The following FER variants were observed in gnomAD, a reference collection of about 807,000 sequenced individuals.
FER encodes FER tyrosine kinase.
A neutral mutation model predicts 111.0 loss-of-function variants in FER; 63 were observed. That is an observed-to-expected ratio of 0.57 (90% confidence interval 0.46 to 0.70). FER has a LOEUF of 0.70. Ranked by LOEUF, FER falls within the 30% of genes least tolerant of loss-of-function variation. The pLI is 0.00. For missense variants in FER, 914 were observed against 954.0 expected, an observed-to-expected ratio of 0.96 and a Z score of 0.55; for synonymous variants, 327 against 313.9, an observed-to-expected ratio of 1.04 and a Z score of -0.44.
intron 16 of FER, among the ~76,000 whole-genome samples, chr5:109,060,770 G>GTA (rs1401523794): frequency 1.6e-5 from 2 of 123,300 alleles, no homozygotes; most frequent in Non-Finnish European, 3.8e-5. Context: ...GTGTGTGTGT[G>GTA]TGTATATATA....
intron 1 of FER, among the ~76,000 whole-genome samples, chr5:108,767,592 T>G (rs1051377894): frequency 6.6e-6 from 1 of 152,156 alleles, no homozygotes; most frequent in African/African-American, 2.4e-5. Flanking sequence ...TCAAGCAGTC[T>G]TCCTACCTCA....
chr5:108,916,488 G>A (rs1752280748), intron 10 of FER, among the ~76,000 whole-genome samples: 1 of 152,102 alleles, frequency 6.6e-6, no homozygotes, highest in African/African-American at 2.4e-5. Flanking sequence ...GTAATTAATT[G>A]TAGCATTGGA....
chr5:109,034,110 T>C (rs1243520294), intron 13 of FER, among the ~76,000 whole-genome samples: 2 of 152,200 alleles, frequency 1.3e-5, no homozygotes, highest in Non-Finnish European at 2.9e-5. Flanking sequence ...ACTGAGACTT[T>C]GTACCATTTG....
chr5:109,139,350 C>CTTTTTTTTTTTTTTTTTTTTTTTTT (rs59092426), intron 17 of FER, among the ~76,000 whole-genome samples: 1 of 91,114 alleles, frequency 1.1e-5, no homozygotes, highest in African/African-American at 4.4e-5. Context: ...TTCTTTCTTT[C>CTTTTTTTTTTTTTTTTTTTTTTTTT]TTTTTTTTTT....
chr5:108,785,423 G>A, intron 2 of FER: 1 of 585,018 alleles, frequency 1.7e-6, no homozygotes, highest in Non-Finnish European at 3.4e-6. Context: ...GAAGCAAGAA[G>A]TTATTAGTAC....
intron 3 of FER, among the ~76,000 whole-genome samples, chr5:108,808,316 GTCT>G (rs1488745363): frequency 6.6e-6 from 1 of 151,762 alleles, no homozygotes; most frequent in Non-Finnish European, 1.5e-5. Flanking sequence ...TATAAGTTAA[GTCT>G]TCTTGTTGAA....
chr5:108,774,099 G>A (rs1753224383), intron 2 of FER, among the ~76,000 whole-genome samples: 1 of 151,294 alleles, frequency 6.6e-6, no homozygotes, highest in Non-Finnish European at 1.5e-5. Context: ...TCCCCTCCCT[G>A]TGTCCATGTG....
chr5:109,126,846 A>C (rs2126542615), intron 17 of FER, among the ~76,000 whole-genome samples: 1 of 152,356 alleles, frequency 6.6e-6, no homozygotes, highest in Non-Finnish European at 1.5e-5. Flanking sequence ...GTAAAGAATA[A>C]ACTATATGGA....
chr5:108,906,988 G>A (rs138205859), intron 10 of FER, among the ~76,000 whole-genome samples: 224 of 152,094 alleles, frequency 1.5e-3, no homozygotes, highest in African/African-American at 5.1e-3. Context: ...TGTGGGAATT[G>A]GAGTCACATT....
intron 17 of FER, among the ~76,000 whole-genome samples, chr5:109,131,134 A>G (rs887703570): frequency 3.9e-5 from 6 of 152,186 alleles, no homozygotes; most frequent in Admixed American, 3.3e-4. Flanking sequence ...TTTTCTGGTA[A>G]ATCATCTCTT....
At chr5:108,880,514 T>A (rs984080067) in intron 8 of FER, among the ~76,000 whole-genome samples, 2 of 152,096 alleles carry the variant, frequency 1.3e-5, no homozygotes, top group Non-Finnish European at 2.9e-5. Context: ...CTTATTTATT[T>A]ATTTATAATT....
At chr5:109,008,972 AAACAACAACAACAAC>A (rs375685208) in intron 13 of FER, among the ~76,000 whole-genome samples, 54 of 151,664 alleles carry the variant, frequency 3.6e-4, no homozygotes, top group Non-Finnish European at 7.5e-4. Context: ...CTCCATCTCA[AAACAACAACAACAAC>A]AACAACAAAA....
rs185088593 is a variant in FER, at chr5:109,086,560, C to T, written c.1925-13836C>T. ...TTTATTATTTCCTTCTTCCTACTTT[C>T]GTTTAAATTTGCCTTTTCCTGCCTT... is the stretch of plus-strand genomic sequence containing the variant. On this transcript the variant is annotated intron_variant, in intron 16 of 19. Coordinates refer to ENST00000281092, the MANE Select transcript of FER (RefSeq NM_005246.4). Among the ~76,000 whole-genome samples, 32 of 151,556 alleles carry T rather than the reference C, an allele frequency of 2.1e-4. No homozygotes were observed. In the East Asian group the frequency reaches 5.4e-3, roughly 26 times the overall value.
intron 16 of FER, among the ~76,000 whole-genome samples, chr5:109,097,667 G>A (rs1412483907): frequency 6.6e-6 from 1 of 151,858 alleles, no homozygotes; most frequent in African/African-American, 2.4e-5. Context: ...TCAGCCTTCA[G>A]TTTGTCACTT....
Position 108,760,158 on chromosome 5 carries a change from GTTTTTT to G in FER, c.-205-7924_-205-7919del, listed in dbSNP as rs36078731. Among the ~76,000 whole-genome samples the G allele has an allele frequency of 1.9e-3, 270 of 141,124 alleles. 1 individual carries two copies. Among genetic ancestry groups the G allele is most frequent in the African/African-American group, 6.7e-3 (261 of 38,810 alleles). The allele number at this position is 141,124 out of a possible 152,430, so 92.6% of individuals were successfully genotyped here. ...AATAATATTTTGAAAGCAGTCTTCT[GTTTTTT>G]TTTTTTTTTTCTGAGCAGTAGGTCT... is the stretch of plus-strand genomic sequence containing the variant. On this transcript the variant is annotated intron_variant, in intron 1 of 19. Transcript: ENST00000281092.
intron 8 of FER, among the ~76,000 whole-genome samples, chr5:108,878,412 A>T (rs1371526536): frequency 6.6e-6 from 1 of 152,192 alleles, no homozygotes; most frequent in South Asian, 2.1e-4. Context: ...TACAATGTAT[A>T]TACATGTGTG....
chr5:109,089,711 A>G (rs1183522217), intron 16 of FER, among the ~76,000 whole-genome samples: 2 of 152,234 alleles, frequency 1.3e-5, no homozygotes, highest in East Asian at 1.9e-4. Context: ...CTAAGCCAGC[A>G]TAGCTTAGTG....
intron 17 of FER, among the ~76,000 whole-genome samples, chr5:109,162,363 C>T (rs1435798142): frequency 6.6e-6 from 1 of 151,970 alleles, no homozygotes; most frequent in Non-Finnish European, 1.5e-5. Flanking sequence ...GGGATAATAT[C>T]TTAAAATACA....
chr5:108,909,997 T>A (rs1352593766), intron 10 of FER, among the ~76,000 whole-genome samples: 1 of 151,860 alleles, frequency 6.6e-6, no homozygotes, highest in African/African-American at 2.4e-5. Flanking sequence ...ATAAACTGAA[T>A]TAAAATGCAG....
Sources: gnomAD v4.1 joint callset for allele counts (sites outside exome capture counted in the v4.1 genomes callset) on GRCh38, gnomAD v4.1.1 for gene constraint, MANE v1.5 for transcripts, NCBI Gene and HGNC (gene_info 2026-07-23, HGNC 2026-07-21) for gene names.